UTRN: variants seen among roughly 807,000 people sequenced by gnomAD.
UTRN encodes the protein utrophin, also known as dystrophin-related protein 1.
UTRN carries 283 observed loss-of-function variants against 463.9 expected under a neutral mutation model. The observed-to-expected ratio is 0.61, with a 90% CI of 0.55 to 0.67. The LOEUF is 0.67. Among genes scored for constraint, UTRN ranks in the 30% least tolerant of loss-of-function variants. The pLI, the probability that UTRN is intolerant of heterozygous loss-of-function variation, is 0.00. For synonymous variants in UTRN, 1,442 were observed against 1,431.5 expected, an observed-to-expected ratio of 1.01 and a Z score of -0.17; for missense variants, 3,922 against 4,084.3, an observed-to-expected ratio of 0.96 and a Z score of 1.08.
rs1791009315 is a variant in UTRN, at chr6:144,474,710, A to G, written c.3287A>G (p.Gln1096Arg). Residue 1096 changes from glutamine (Q) to arginine (R), a missense_variant, in exon 25 of 75, where the codon CAG (glutamine) becomes CGG (arginine). Gln to Arg is a conservative substitution (Grantham distance 43, BLOSUM62 1). This residue lies in a region of UTRN where 2,349 missense variants were observed against 2,303.8 expected (regional missense o/e 1.02). Coordinates refer to ENST00000367545, the MANE Select transcript of UTRN (RefSeq NM_007124.3). Reference sequence around the variant, plus strand: ...GTTGCTGGAATAAAAACTTGGGTGCAGACAAGACTAGGTGACTACCAAACT... The same window carrying G: ...GTTGCTGGAATAAAAACTTGGGTGCGGACAAGACTAGGTGACTACCAAACT... ...GPVAGIKTWV[Q>R]TRLGDYQTQL... 2.5e-6 allele frequency: 4 copies of G among 1,613,988 alleles called. No homozygotes were observed. In the East Asian group the frequency reaches 8.9e-5, roughly 36 times the overall value.
Position 144,451,473 on chromosome 6 carries a change from G to C in UTRN, c.2176G>C (p.Glu726Gln). The change falls in exon 18 of 75, where the codon GAA becomes CAA. Residue 726 changes from glutamate (E) to glutamine (Q), a missense_variant. By Grantham distance (29) the Glu-to-Gln change is conservative. Coordinates refer to ENST00000367545, the MANE Select transcript of UTRN (RefSeq NM_007124.3). ...GTATATGAAGATGCAAGACACTTCC[G>C]AAATGAAAAAGAAGTTGAAGGTAAA... The part of the protein sequence containing the change: ...KEYMKMQDTS[E>Q]MKKKLKALEK... 1 of 1,609,030 alleles carries C rather than the reference G, an allele frequency of 6.2e-7. No individual in the cohort carries two copies. Among genetic ancestry groups the C allele is most frequent in the South Asian group, 1.1e-5 (1 of 90,686 alleles).
intron 21 of UTRN, 54 bp downstream of exon 21, chr6:144,459,408 G>T: frequency 6.6e-7 from 1 of 1,518,034 alleles, no homozygotes; most frequent in South Asian, 1.3e-5. Context: ...ATGTAAACAT[G>T]ACTCCCAACA....
At chr6:144,797,213 T>C (rs1320216394) in intron 63 of UTRN, among the ~76,000 whole-genome samples, 1 of 150,664 alleles carries the variant, frequency 6.6e-6, no homozygotes, top group East Asian at 1.9e-4. Context: ...TTTTGAGATA[T>C]ATTCTTGCTC....
At position 144,510,308 on chromosome 6, in the gene UTRN, G is replaced by T. The variant is rs562272519; in HGVS notation, c.4765-636G>T. Among the ~76,000 whole-genome samples, 147 of 152,238 alleles carry T rather than the reference G, an allele frequency of 9.7e-4. 2 individuals are homozygous for T. Among genetic ancestry groups the T allele is most frequent in the Admixed American group, 5.0e-3 (77 of 15,296 alleles). ...GCCTGGTGAAACTTACGAATGTGCCGATCACTTTATCATCATACCATCCAG... is the reference window on the plus strand; with the variant it reads ...GCCTGGTGAAACTTACGAATGTGCCTATCACTTTATCATCATACCATCCAG... On this transcript the variant is annotated intron_variant, in intron 34 of 74. Coordinates refer to ENST00000367545, the MANE Select transcript of UTRN (RefSeq NM_007124.3).
chr6:144,345,930 C>T (rs1003458822), intron 2 of UTRN, among the ~76,000 whole-genome samples: 2 of 152,186 alleles, frequency 1.3e-5, no homozygotes, highest in Non-Finnish European at 2.9e-5. Context: ...GTAATCCCAG[C>T]ACTTTAGGAG....
At chr6:144,730,104 A>G (rs997972243) in intron 53 of UTRN, among the ~76,000 whole-genome samples, 1 of 152,236 alleles carries the variant, frequency 6.6e-6, no homozygotes, top group African/African-American at 2.4e-5. Flanking sequence ...CACTGTAACA[A>G]TTTCCCTTAA....
intron 51 of UTRN, among the ~76,000 whole-genome samples, chr6:144,588,367 C>T (rs1460005848): frequency 6.6e-6 from 1 of 152,136 alleles, no homozygotes; most frequent in African/African-American, 2.4e-5. Context: ...TGGATAAAGT[C>T]AATATAATTA....
chr6:144,568,081 T>G (rs1173544867), intron 50 of UTRN, among the ~76,000 whole-genome samples: 12 of 152,148 alleles, frequency 7.9e-5, no homozygotes, highest in Admixed American at 7.9e-4. Context: ...AAGCTAAGCG[T>G]TTACATTTAA....
chr6:144,657,250 CAAAAAAAAAAAAAA>C (rs11400052), intron 51 of UTRN, among the ~76,000 whole-genome samples: 1 of 68,860 alleles, frequency 1.5e-5, no homozygotes, highest in African/African-American at 4.8e-5. Context: ...AACTCCATCT[CAAAAAAAAAAAAAA>C]AAAAAAAAAG....
At chr6:144,797,754 A>T in intron 63 of UTRN, 70 bp from the exon 64 acceptor site, 1 of 1,491,452 alleles carries the variant, frequency 6.7e-7, no homozygotes. Flanking sequence ...GAAGATTATG[A>T]AGCAACAACA....
intron 51 of UTRN, among the ~76,000 whole-genome samples, chr6:144,609,726 G>A (rs751324349): frequency 2.6e-5 from 4 of 152,154 alleles, no homozygotes; most frequent in African/African-American, 4.8e-5. Context: ...ATCATATCAA[G>A]TGTTCTTTCA....
At chr6:144,789,100 G>T in intron 61 of UTRN, 94 bp from the exon 62 acceptor site, 1 of 985,588 alleles carries the variant, frequency 1.0e-6, no homozygotes, top group South Asian at 1.6e-5. Flanking sequence ...TATTTTTGAT[G>T]GTTTACCCCC....
chr6:144,341,627 T>A (rs767665362), intron 2 of UTRN, among the ~76,000 whole-genome samples: 25 of 152,378 alleles, frequency 1.6e-4, no homozygotes, highest in Non-Finnish European at 2.8e-4. Flanking sequence ...CAATTCTTCC[T>A]ATAAACAGTT....
chr6:144,717,611 TTTTTCTTTTTC>T (rs1786614598), intron 53 of UTRN, among the ~76,000 whole-genome samples: 1 of 150,192 alleles, frequency 6.7e-6, no homozygotes, highest in South Asian at 2.1e-4. Flanking sequence ...CATTTTTTTC[TTTTTCTTTTTC>T]TTTTCTTTTT....
intron 2 of UTRN, among the ~76,000 whole-genome samples, chr6:144,319,637 G>T (rs1185147856): frequency 2.0e-5 from 3 of 151,956 alleles, no homozygotes; most frequent in Non-Finnish European, 4.4e-5. Context: ...GCGCCATCTC[G>T]GCTCACTGCT....
chr6:144,521,943 A>C, intron 39 of UTRN, 37 bp from the exon 40 acceptor site: 1 of 1,139,720 alleles, frequency 8.8e-7, no homozygotes, highest in Non-Finnish European at 1.1e-6. Context: ...AGAGATATAT[A>C]TATATATATA....
intron 51 of UTRN, among the ~76,000 whole-genome samples, chr6:144,651,395 T>C (rs1376759633): frequency 6.6e-6 from 1 of 152,198 alleles, no homozygotes; most frequent in East Asian, 1.9e-4. Flanking sequence ...AGAGGAATAT[T>C]CTACACAGAA....
At chr6:144,617,811 C>T (rs1806297703) in intron 51 of UTRN, among the ~76,000 whole-genome samples, 1 of 152,134 alleles carries the variant, frequency 6.6e-6, no homozygotes, top group African/African-American at 2.4e-5. Context: ...AGCTACTGTT[C>T]TACCGGGGAG....
intron 51 of UTRN, among the ~76,000 whole-genome samples, chr6:144,675,831 A>G (rs1188768668): frequency 6.6e-6 from 1 of 152,178 alleles, no homozygotes; most frequent in Non-Finnish European, 1.5e-5. Context: ...GCGAAAGTTC[A>G]CGGTGTGAGT....
Sources: gnomAD v4.1 joint callset for allele counts (sites outside exome capture counted in the v4.1 genomes callset) on GRCh38, gnomAD v4.1.1 for gene constraint, gnomAD v4.1.1 regional missense constraint, MANE v1.5 for transcripts, NCBI Gene and HGNC (gene_info 2026-07-23, HGNC 2026-07-21) for gene names.